TMC2: variants seen among roughly 807,000 people sequenced by gnomAD.
TMC2 encodes transmembrane channel-like protein 2.
In TMC2, 102 loss-of-function variants were observed where a neutral mutation model predicts 105.9. The ratio of observed to expected loss-of-function variants is 0.96; its 90% CI spans 0.82 to 1.14. The LOEUF (loss-of-function observed/expected upper bound fraction) is 1.14, where lower values mean the gene tolerates loss of function less well. Among genes scored for constraint, TMC2 ranks in the 50% most tolerant of loss-of-function variants. TMC2 has a pLI of 0.00. For missense variants in TMC2, 1,093 were observed against 1,134.3 expected (o/e 0.96, Z 0.52); for synonymous variants, 402 against 422.8 (o/e 0.95, Z 0.60).
In TMC2 at chr20:2,612,210, T is replaced by C; in HGVS notation, c.1613T>C (p.Ile538Thr). The change falls in exon 13 of 20, where the codon ATA becomes ACA. Residue 538 changes from isoleucine to threonine, a missense_variant. By Grantham distance (89) the Ile-to-Thr change is moderately conservative. Transcript: ENST00000358864. ...TTCTAGCTTGCTAATGAAGAGACAA[T>C]AAAGAACATCACTCACTGGACTCTG... is the stretch of plus-strand genomic sequence containing the variant. Reference protein sequence around the residue: ...VHLKLANEETIKNITHWTLFN... With the variant: ...VHLKLANEETTKNITHWTLFN... 1 of 1,609,222 alleles carries C rather than the reference T, an allele frequency of 6.2e-7. No homozygotes were observed. Among genetic ancestry groups the C allele is most frequent in the South Asian group, 1.1e-5 (1 of 89,722 alleles).
At position 2,612,305 on chromosome 20, in the gene TMC2, C is replaced by T. The variant is rs1210861363; in HGVS notation, c.1708C>T (p.Pro570Ser). 1.3e-6 allele frequency: 2 copies of T among 1,589,546 alleles called. No individual in the cohort carries two copies. The highest frequency in any genetic ancestry group is 1.7e-6 in the Non-Finnish European group (2 of 1,163,760). ...ACCACCCCTGCACCCTGCAGATGTGCCCCGGGGTTCTTGCTGGGAGACAGC... is the reference window on the plus strand; with the variant it reads ...ACCACCCCTGCACCCTGCAGATGTGTCCCGGGGTTCTTGCTGGGAGACAGC... ...PRPPLHPADVPRGSCWETAVG... is the reference protein window; with the variant it reads ...PRPPLHPADVSRGSCWETAVG... Residue 570 changes from proline (P) to serine (S), a missense_variant, in exon 13 of 20, where the codon CCC becomes TCC. By Grantham distance (74) the Pro-to-Ser change is moderately conservative (BLOSUM62 -1). Coordinates refer to ENST00000358864, the MANE Select transcript of TMC2 (RefSeq NM_080751.3).
rs771788005 is a variant in TMC2, at chr20:2,610,574, C to A, written c.1569C>A (p.Ala523=). The A allele has an allele frequency of 2.1e-5, 33 of 1,604,652 alleles. No homozygotes were observed. Among genetic ancestry groups the A allele is most frequent in the Non-Finnish European group, 2.6e-5 (30 of 1,174,956 alleles). ...FLGNLYTFLL[A]LMDDVHLKLA... is the part of the protein sequence containing the mutation. ...GGAACCTCTACACATTTCTCTTGGC[C>A]CTGATGGATGACGTCCACCTCAAGG... Residue 523 remains alanine, a synonymous_variant, in exon 12 of 20, where the codon GCC becomes GCA. Coordinates refer to ENST00000358864, the MANE Select transcript of TMC2 (RefSeq NM_080751.3).
At chr20:2,547,358 C>T (rs2085931821) in intron 2 of TMC2, among the ~76,000 whole-genome samples, 2 of 152,154 alleles carry the variant, frequency 1.3e-5, no homozygotes, top group Admixed American at 6.5e-5. Context: ...AGGACTCTAA[C>T]AAAAGGAAAC....
intron 2 of TMC2, among the ~76,000 whole-genome samples, chr20:2,549,077 T>C (rs1383596358): frequency 6.6e-6 from 1 of 152,234 alleles, no homozygotes; most frequent in Admixed American, 6.5e-5. Flanking sequence ...TTTGGTTTTT[T>C]GGTTTTGTAT....
chr20:2,597,740 T>C (rs888434495), intron 10 of TMC2, among the ~76,000 whole-genome samples: 29 of 152,042 alleles, frequency 1.9e-4, no homozygotes, highest in African/African-American at 6.3e-4. Flanking sequence ...TCAAGTGATC[T>C]GCCCTCCTGC....
chr20:2,537,121 T>C, intron 1 of TMC2, 148 bp from the exon 2 acceptor site: 1 of 692,348 alleles, frequency 1.4e-6, no homozygotes, highest in East Asian at 2.7e-5. Flanking sequence ...GGCAGGGGAC[T>C]CTATAATTTG....
chr20:2,625,096 G>C (rs1023111557), intron 17 of TMC2, among the ~76,000 whole-genome samples: 1 of 152,192 alleles, frequency 6.6e-6, no homozygotes, highest in African/African-American at 2.4e-5. Context: ...CTCAAGGAAA[G>C]AACTAGGGAA....
intron 11 of TMC2, among the ~76,000 whole-genome samples, chr20:2,605,033 A>G (rs2086378710): frequency 6.6e-6 from 1 of 152,202 alleles, no homozygotes; most frequent in Non-Finnish European, 1.5e-5. Context: ...GTTGCCAGTA[A>G]CCTGGTGACC....
chr20:2,603,823 T>G (rs1235476754), intron 11 of TMC2, among the ~76,000 whole-genome samples: 1 of 152,160 alleles, frequency 6.6e-6, no homozygotes, highest in African/African-American at 2.4e-5. Flanking sequence ...TGTGCTCTAG[T>G]TCCATCCCAC....
At chr20:2,605,388 T>A (rs1398116405) in intron 11 of TMC2, among the ~76,000 whole-genome samples, 1 of 151,994 alleles carries the variant, frequency 6.6e-6, no homozygotes, top group African/African-American at 2.4e-5. Flanking sequence ...GATCAAGGAG[T>A]TGGCAGGTTT....
intron 7 of TMC2, among the ~76,000 whole-genome samples, chr20:2,591,755 GA>G (rs2086270600): frequency 4.0e-5 from 6 of 151,700 alleles, no homozygotes; most frequent in Admixed American, 6.6e-5. Flanking sequence ...GAAAAGAAAA[GA>G]AAAGGAAAGG....
intron 11 of TMC2, among the ~76,000 whole-genome samples, chr20:2,603,771 T>C (rs985552234): frequency 6.6e-6 from 1 of 152,176 alleles, no homozygotes; most frequent in African/African-American, 2.4e-5. Context: ...TGCCAAGTCT[T>C]ATGCTCTGAA....
At position 2,562,043 on chromosome 20, in the gene TMC2, G is replaced by A. The variant is rs139873335; in HGVS notation, c.554+33G>A. The stretch of plus-strand genomic sequence containing the variant: ...GGCTGCGGGTCAGCCAGGGCCTTCC[G>A]ATGTCCACAGCTCCTTCTGATGGGA... On this transcript the variant is annotated intron_variant, in intron 4 of 19. Transcript: ENST00000358864. 6.8e-4 allele frequency: 1,095 copies of A among 1,601,464 alleles called. 5 individuals are homozygous for A. In the African/African-American group the frequency reaches 0.013, roughly 19 times the overall value.
At chr20:2,572,069 G>A in intron 4 of TMC2, 110 bp from the exon 5 acceptor site, 1 of 803,944 alleles carries the variant, frequency 1.2e-6, no homozygotes, top group Non-Finnish European at 2.1e-6. Context: ...ATTTTAACCA[G>A]GGGTATACAA....
At chr20:2,589,802 T>G (rs2086256575) in intron 7 of TMC2, among the ~76,000 whole-genome samples, 2 of 152,134 alleles carry the variant, frequency 1.3e-5, no homozygotes. Context: ...CCCAAGTAGC[T>G]GGGACTACAG....
chr20:2,556,306 C>T (rs1025321870), intron 2 of TMC2, among the ~76,000 whole-genome samples: 2 of 152,126 alleles, frequency 1.3e-5, no homozygotes, highest in African/African-American at 4.8e-5. Flanking sequence ...GTCTCGAACT[C>T]CTGACTTCAT....
intron 4 of TMC2, among the ~76,000 whole-genome samples, chr20:2,564,558 C>T (rs1174920742): frequency 1.3e-5 from 2 of 152,170 alleles, no homozygotes; most frequent in South Asian, 2.1e-4. Context: ...ACCTCACTCC[C>T]ACTCAGGTGT....
At chr20:2,579,926 A>C in intron 6 of TMC2, 24 bp from the exon 7 acceptor site, 1 of 1,549,944 alleles carries the variant, frequency 6.5e-7, no homozygotes, top group South Asian at 1.1e-5. Flanking sequence ...CAGCACTCAT[A>C]CCCACCGTCT....
chr20:2,574,802 T>TACA (rs2086131490), intron 5 of TMC2, among the ~76,000 whole-genome samples: 1 of 152,188 alleles, frequency 6.6e-6, no homozygotes, highest in Non-Finnish European at 1.5e-5. Flanking sequence ...CTCGGCTCAC[T>TACA]ACAACCTCTG....
Sources: allele counts gnomAD v4.1 joint callset (sites outside exome capture counted in the v4.1 genomes callset), GRCh38; gene constraint gnomAD v4.1.1; transcripts MANE v1.5; gene names NCBI Gene and HGNC (gene_info 2026-07-23, HGNC 2026-07-21).